The following ATF6B variants were observed in gnomAD, a reference collection of about 807,000 sequenced individuals.
ATF6B encodes cyclic AMP-dependent transcription factor ATF-6 beta.
A neutral mutation model predicts 83.5 loss-of-function variants in ATF6B; 50 were observed. The ratio of observed to expected loss-of-function variants is 0.60; its 90% CI spans 0.48 to 0.76. The LOEUF is 0.76. ATF6B is among the 30% of genes least tolerant of loss of function. The pLI is 0.00. For missense variants in ATF6B, 790 were observed against 893.8 expected, an observed-to-expected ratio of 0.88 and a Z score of 1.48; for synonymous variants, 344 against 362.8, an observed-to-expected ratio of 0.95 and a Z score of 0.59.
At chr6:32,126,977 C>A in intron 4 of ATF6B, 126 bp downstream of exon 4, 1 of 737,982 alleles carries the variant, frequency 1.4e-6, no homozygotes, top group South Asian at 4.3e-5. Context: ...AGAAGGCCCC[C>A]CACACCTCAC....
chr6:32,115,595 C>T lies in ATF6B; in HGVS notation c.*144G>A. On this transcript the variant is annotated 3_prime_UTR_variant, in exon 18 of 18. Transcript: ENST00000375203. ...GGATGAGAAGAGAGGTGAACACCCC[C>T]ACCTCAAATAAGTGCTTAACCCCCA... is the stretch of plus-strand genomic sequence containing the variant. 1 of 655,490 alleles carries T rather than the reference C, an allele frequency of 1.5e-6. No individual in the cohort carries two copies. The allele number at this position is 655,490 out of a possible 1,614,324, so 40.6% of individuals were successfully genotyped here.
In ATF6B at chr6:32,118,722, G is replaced by T; in HGVS notation, c.1244+53C>A. ...CTGGGCCAAAGCAGGCAGCTAGGAG[G>T]CTGTAACGTGGGCTCCACCTGGAAG... On this transcript the variant is annotated intron_variant, in intron 11 of 17. Coordinates refer to ENST00000375203, the MANE Select transcript of ATF6B (RefSeq NM_004381.5). This position sits in a 1 kb window ranked among gnomAD's most constrained non-coding sequence, Gnocchi z 5.2. 1 of 1,562,608 alleles carries T rather than the reference G, an allele frequency of 6.4e-7. No individual in the cohort carries two copies. The highest frequency in any genetic ancestry group is 8.8e-7 in the Non-Finnish European group (1 of 1,134,272).
rs1161504679 is a variant in ATF6B at position 32,116,781 on chromosome 6, G to A, written c.1720C>T (p.Pro574Ser). 1 of 1,614,018 alleles carries A rather than the reference G, an allele frequency of 6.2e-7. No homozygotes were observed. Among genetic ancestry groups the A allele is most frequent in the Non-Finnish European group, 8.5e-7 (1 of 1,180,018 alleles). ...SVGQLQLYRH[P>S]DRSQPAFLDA... ...AAGAATGCTGGCTGCGAACGGTCTGGGTGGCGATATAGTTGCAGCTGGCCC... is the reference window on the plus strand; with the variant it reads ...AAGAATGCTGGCTGCGAACGGTCTGAGTGGCGATATAGTTGCAGCTGGCCC... The change falls in exon 16 of 18, where the codon CCA becomes TCA. Residue 574 changes from proline (P) to serine (S), a missense_variant. By Grantham distance (74) the Pro-to-Ser change is moderately conservative. This residue lies in a region of ATF6B where 530 missense variants were observed against 632.6 expected (regional missense o/e 0.84). Coordinates refer to ENST00000375203, the MANE Select transcript of ATF6B (RefSeq NM_004381.5). The surrounding 1 kb of genome is among the most constrained non-coding windows in gnomAD (Gnocchi z 5.1).
Position 32,116,986 on chromosome 6 carries a change from T to C in ATF6B, c.1685+51A>G. ...ACAGGACAGCTACTGGGGGTACAGC[T>C]CTTGAAAGTGGAATTTCACTTAATA... is the stretch of plus-strand genomic sequence containing the variant. On this transcript the variant is annotated intron_variant, in intron 15 of 17. Coordinates refer to ENST00000375203, the MANE Select transcript of ATF6B (RefSeq NM_004381.5). The surrounding 1 kb of genome is among the most constrained non-coding windows in gnomAD (Gnocchi z 5.1). 1 of 1,589,496 alleles carries C rather than the reference T, an allele frequency of 6.3e-7. No individual in the cohort carries two copies. The highest frequency in any genetic ancestry group is 8.6e-7 in the Non-Finnish European group (1 of 1,158,658).
rs1028679364 is a variant in ATF6B, at chr6:32,126,202, G to A, written c.393C>T (p.Pro131=). 16 of 1,614,028 alleles carry A rather than the reference G, an allele frequency of 9.9e-6. No homozygotes were observed. Among genetic ancestry groups the A allele is most frequent in the Non-Finnish European group, 1.4e-5 (16 of 1,180,022 alleles). Residue 131 remains proline, a synonymous_variant, in exon 5 of 18, where the codon CCC becomes CCT. Transcript: ENST00000375203. ...GGTCATCTCCCAGGAGACACAGTGG[G>A]GGTGCCAAGGACTCTGTCTTCACAT... ...VLHVKTESLA[P]PLCLLGDDPT...
At position 32,121,000 on chromosome 6, in the gene ATF6B, T is replaced by C. The variant is rs1031205049; in HGVS notation, c.689A>G (p.Asp230Gly). The change falls in exon 7 of 18, where the codon GAT becomes GGT. Residue 230 changes from aspartate (D) to glycine (G), a missense_variant. Physicochemically the swap from Asp to Gly is moderately conservative, Grantham distance 94. Transcript: ENST00000375203. ...GGAGACTCCATTACCTGAGGAGCCATCAAGGGATGGGCCCATGCTGATCTG... is the reference window on the plus strand; with the variant it reads ...GGAGACTCCATTACCTGAGGAGCCACCAAGGGATGGGCCCATGCTGATCTG... ...AVQISMGPSL[D>G]GSSGKALPTR... 2 of 1,523,110 alleles carry C rather than the reference T, an allele frequency of 1.3e-6. No individual in the cohort carries two copies. Among genetic ancestry groups the C allele is most frequent in the African/African-American group, 1.4e-5 (1 of 71,902 alleles). The allele number at this position is 1,523,110 out of a possible 1,614,324, so 94.3% of individuals were successfully genotyped here. A position where few individuals can be genotyped will look rare whatever the true frequency, so the allele number is the denominator to read the frequency against.
chr6:32,127,842 T>A lies in ATF6B; in HGVS notation c.92-92A>T, dbSNP rs1031022214. 3.6e-6 allele frequency: 5 copies of A among 1,401,402 alleles called. No individual in the cohort carries two copies. In the East Asian group the frequency reaches 9.2e-5, roughly 26 times the overall value. The allele number at this position is 1,401,402 out of a possible 1,614,324, so 86.8% of individuals were successfully genotyped here. ...CCGCCCCATCCCTCATTGGCTCCGC[T>A]CGGCCAGACCCACCGCCCGCCCACT... On this transcript the variant is annotated intron_variant, in intron 1 of 17. Transcript: ENST00000375203.
chr6:32,122,757 G>A (rs1470011154), intron 5 of ATF6B, among the ~76,000 whole-genome samples: 10 of 150,866 alleles, frequency 6.6e-5, no homozygotes, highest in Admixed American at 6.6e-5. Context: ...ACTGAGGGAG[G>A]AGAATGGCAT....
intron 4 of ATF6B, among the ~76,000 whole-genome samples, chr6:32,126,804 G>A (rs916652103): frequency 2.0e-5 from 3 of 152,254 alleles, no homozygotes; most frequent in Middle Eastern, 3.4e-3. Context: ...AGGCTACAGT[G>A]AGCTGTGACC....
intron 4 of ATF6B, 73 bp from the exon 5 acceptor site, chr6:32,126,325 C>G: frequency 6.5e-7 from 1 of 1,547,008 alleles, no homozygotes; most frequent in Non-Finnish European, 8.7e-7. Flanking sequence ...ACAGTAAGAG[C>G]GAGAACAAAA....
intron 4 of ATF6B, 78 bp from the exon 5 acceptor site, chr6:32,126,330 A>G (rs1446391270): frequency 2.6e-6 from 4 of 1,531,842 alleles, no homozygotes; most frequent in African/African-American, 1.4e-5. Flanking sequence ...AAGAGCGAGA[A>G]CAAAAGCTTT....
chr6:32,121,290 G>A lies in ATF6B; in HGVS notation c.537C>T (p.Ser179=). 1 of 1,614,090 alleles carries A rather than the reference G, an allele frequency of 6.2e-7. No homozygotes were observed. The highest frequency in any genetic ancestry group is 8.5e-7 in the Non-Finnish European group (1 of 1,180,016). ...SPCSSVNSEA[S]LLSADSSSQA... ...GGCTGGAGGAGTCGGCTGAGAGCAGGGAGGCCTCAGAGTTGACGGAAGAAC... is the reference window on the plus strand; with the variant it reads ...GGCTGGAGGAGTCGGCTGAGAGCAGAGAGGCCTCAGAGTTGACGGAAGAAC... Residue 179 remains serine (S), a synonymous_variant, in exon 6 of 18, where the codon TCC becomes TCT. Coordinates refer to ENST00000375203, the MANE Select transcript of ATF6B (RefSeq NM_004381.5).
Position 32,121,340 on chromosome 6 carries a change from T to C in ATF6B, c.487A>G (p.Thr163Ala). 6.2e-7 allele frequency: 1 copy of C among 1,613,926 alleles called. No homozygotes were observed. The highest frequency in any genetic ancestry group is 8.5e-7 in the Non-Finnish European group (1 of 1,179,980). The change falls in exon 6 of 18, where the codon ACC becomes GCC. Residue 163 changes from threonine (T) to alanine (A), a missense_variant. Physicochemically the swap from Thr to Ala is moderately conservative, Grantham distance 58. Around this residue, in one of 3 missense-constraint regions of ATF6B, gnomAD observed 253 missense variants for 243.1 expected, o/e 1.04. Coordinates refer to ENST00000375203, the MANE Select transcript of ATF6B (RefSeq NM_004381.5). ...PTSDDSSDVQ[T>A]KIEPVSPCSS... is the part of the protein sequence containing the mutation. ...CATGGAGAGACAGGTTCTATCTTGG[T>C]CTGGACATCTGTGGGAGGCAGGATG...
rs529092316 is a variant in ATF6B at position 32,127,901 on chromosome 6, T to C, written c.92-151A>G. ...GATACAACCAGGGCGCTTCAGCCCC[T>C]CCTTCCCCGACCCCGGAACAACTCG... On this transcript the variant is annotated intron_variant, in intron 1 of 17. Coordinates refer to ENST00000375203, the MANE Select transcript of ATF6B (RefSeq NM_004381.5). 90 of 1,019,870 alleles carry C rather than the reference T, an allele frequency of 8.8e-5. No homozygotes were observed. The South Asian group carries it at 1.4e-3, about 16-fold the overall frequency. 63.2% of individuals were successfully genotyped at this position (1,019,870 alleles called of 1,614,324 possible). A position where few individuals can be genotyped will look rare whatever the true frequency, so the allele number is the denominator to read the frequency against.
At position 32,126,325 on chromosome 6, in the gene ATF6B, C is replaced by A. The variant is rs558632586; in HGVS notation, c.343-73G>T. The A allele has an allele frequency of 4.3e-5, 67 of 1,547,008 alleles. No homozygotes were observed. The African/African-American group carries it at 6.9e-4, about 16-fold the overall frequency. Reference sequence around the variant, plus strand: ...ACAAGGGAGATGTTGACAGTAAGAGCGAGAACAAAAGCTTTAGAAGTTTAG... The same window carrying A: ...ACAAGGGAGATGTTGACAGTAAGAGAGAGAACAAAAGCTTTAGAAGTTTAG... On this transcript the variant is annotated intron_variant, in intron 4 of 17. Transcript: ENST00000375203.
rs1781526225 is a variant in ATF6B, at chr6:32,116,266, TC to T, written c.1882+213del. ...CCGGCCCCCCGCCTCTGCCCAGTCATCTACCCAAGCACCTTCACCAGGGAAG... is the reference window on the plus strand; with the variant it reads ...CCGGCCCCCCGCCTCTGCCCAGTCATTACCCAAGCACCTTCACCAGGGAAG... On this transcript the variant is annotated intron_variant, in intron 17 of 17. Coordinates refer to ENST00000375203, the MANE Select transcript of ATF6B (RefSeq NM_004381.5). This position sits in a 1 kb window ranked among gnomAD's most constrained non-coding sequence, Gnocchi z 5.1. Among the ~76,000 whole-genome samples, 1 of 152,110 alleles carries T rather than the reference TC, an allele frequency of 6.6e-6. No individual in the cohort carries two copies. The highest frequency in any genetic ancestry group is 1.5e-5 in the Non-Finnish European group (1 of 68,008).
At chr6:32,127,988 C>G (rs1223961580) in intron 1 of ATF6B, 129 bp downstream of exon 1, 23 of 1,132,566 alleles carry the variant, frequency 2.0e-5, no homozygotes, top group Non-Finnish European at 3.0e-5. Flanking sequence ...GCACAACGAG[C>G]CCCCTGCTCC....
At position 32,127,525 on chromosome 6, in the gene ATF6B, A is replaced by G. The variant is rs780519065; in HGVS notation, c.172-5T>C. On this transcript the variant is annotated splice_region_variant and splice_polypyrimidine_tract_variant and intron_variant, in intron 2 of 17. Coordinates refer to ENST00000375203, the MANE Select transcript of ATF6B (RefSeq NM_004381.5). ...GTCCAGGGAGCTGCCGTCAAACTAAATAAGGGAGGATACAAGAGGGCAGGA... is the reference window on the plus strand; with the variant it reads ...GTCCAGGGAGCTGCCGTCAAACTAAGTAAGGGAGGATACAAGAGGGCAGGA... 1 of 1,613,220 alleles carries G rather than the reference A, an allele frequency of 6.2e-7. No homozygotes were observed. Among genetic ancestry groups the G allele is most frequent in the Admixed American group, 1.7e-5 (1 of 59,940 alleles).
Position 32,119,155 on chromosome 6 carries a change from A to G in ATF6B, c.967-14T>C. The G allele has an allele frequency of 1.3e-6, 2 of 1,599,932 alleles. No homozygotes were observed. The highest frequency in any genetic ancestry group is 1.1e-5 in the South Asian group (1 of 89,062). On this transcript the variant is annotated splice_polypyrimidine_tract_variant and intron_variant, in intron 9 of 17. Coordinates refer to ENST00000375203, the MANE Select transcript of ATF6B (RefSeq NM_004381.5). The surrounding 1 kb of genome is among the most constrained non-coding windows in gnomAD (Gnocchi z 4.9). ...CAGCAGCTTTGCCTAGGCACCCGGA[A>G]GGTCAAAAAAGAATGACAGATGAGT...
Sources: gnomAD v4.1 joint callset for allele counts (sites outside exome capture counted in the v4.1 genomes callset) on GRCh38, gnomAD v4.1.1 for gene constraint, gnomAD v4.1.1 regional missense constraint, Gnocchi (gnomAD v3.1) non-coding constraint, MANE v1.5 for transcripts, NCBI Gene and HGNC (gene_info 2026-07-23, HGNC 2026-07-21) for gene names.